BBS7: variants seen among roughly 807,000 people sequenced by gnomAD.
The protein encoded by BBS7 is BBSome complex member BBS7.
A neutral mutation model predicts 90.3 loss-of-function variants in BBS7; 50 were observed. The ratio of observed to expected loss-of-function variants is 0.55; its 90% CI spans 0.44 to 0.70. BBS7 has a LOEUF of 0.70. Among genes scored for constraint, BBS7 ranks in the 30% least tolerant of loss-of-function variants. The probability of loss-of-function intolerance (pLI) is 0.00; values close to 1 mark genes in which losing one functional copy is unlikely to be tolerated. For synonymous variants in BBS7, 235 were observed against 287.4 expected, an observed-to-expected ratio of 0.82 and a Z score of 1.85; for missense variants, 729 against 838.9, an observed-to-expected ratio of 0.87 and a Z score of 1.62.
chr4:121,829,479 G>A (rs1036139723), intron 15 of BBS7, among the ~76,000 whole-genome samples: 2 of 152,086 alleles, frequency 1.3e-5, no homozygotes, highest in African/African-American at 2.4e-5. Context: ...CTTGTGATCC[G>A]CCCACCTTGG....
At chr4:121,844,829 G>A (rs1052878211) in intron 11 of BBS7, among the ~76,000 whole-genome samples, 1 of 151,628 alleles carries the variant, frequency 6.6e-6, no homozygotes, top group South Asian at 2.1e-4. Flanking sequence ...TTAATGTTTG[G>A]GGCTTTAAAA....
At chr4:121,849,840 A>C (rs1322841808) in intron 8 of BBS7, among the ~76,000 whole-genome samples, 1 of 149,972 alleles carries the variant, frequency 6.7e-6, no homozygotes, top group Non-Finnish European at 1.5e-5. Flanking sequence ...AATAAAAATA[A>C]AAAAAAATTA....
In BBS7 at chr4:121,868,109, G is replaced by A. The variant is rs569676848; in HGVS notation, c.37-63C>T. 1.0e-4 allele frequency: 139 copies of A among 1,337,660 alleles called. 2 individuals are homozygous for A. The South Asian group carries it at 1.6e-3, about 15-fold the overall frequency. 82.9% of individuals were successfully genotyped at this position (1,337,660 alleles called of 1,614,324 possible). ...GAAGTTATTACAGAGATTAAAATAA[G>A]TTATAGTGAACCTTTTTGTTAAACT... On this transcript the variant is annotated intron_variant, in intron 1 of 18. Transcript: ENST00000264499.
chr4:121,855,733 C>G (rs1394674357), intron 5 of BBS7, among the ~76,000 whole-genome samples, 172 bp from the exon 6 acceptor site: 1 of 151,772 alleles, frequency 6.6e-6, no homozygotes, highest in Non-Finnish European at 1.5e-5. Flanking sequence ...TTGCATATAT[C>G]AACTGATTTG....
chr4:121,831,708 A>G (rs1292672124), intron 15 of BBS7, among the ~76,000 whole-genome samples: 1 of 152,156 alleles, frequency 6.6e-6, no homozygotes, highest in Admixed American at 6.6e-5. Flanking sequence ...GGTACAGTGA[A>G]AAACCTCCAC....
At chr4:121,838,011 C>T (rs35341163) in intron 13 of BBS7, among the ~76,000 whole-genome samples, 45,728 of 151,070 alleles carry the variant, frequency 0.3, 8,357 homozygotes, top group East Asian at 0.44. Context: ...GGCTGAGGCA[C>T]GAAAATCACT....
At chr4:121,840,924 G>C (rs1283999652) in intron 12 of BBS7, among the ~76,000 whole-genome samples, 2 of 149,738 alleles carry the variant, frequency 1.3e-5, no homozygotes, top group Non-Finnish European at 3.0e-5. Flanking sequence ...TGTAACCTCT[G>C]CCTCCTGGGC....
At position 121,847,306 on chromosome 4, in the gene BBS7, T is replaced by TCC; in HGVS notation, c.1037+96_1037+97dup. 9 of 784,562 alleles carry TCC rather than the reference T, an allele frequency of 1.1e-5. No homozygotes were observed. The South Asian group carries it at 1.4e-4, about 12-fold the overall frequency. 48.6% of individuals were successfully genotyped at this position (784,562 alleles called of 1,614,324 possible). ...GTGATAAACTAATTAATTACATAAT[T>TCC]CCTTCCAATAAAATATACTGCATCT... On this transcript the variant is annotated intron_variant, in intron 10 of 18. Coordinates refer to ENST00000264499, the MANE Select transcript of BBS7 (RefSeq NM_176824.3).
chr4:121,854,482 A>G (rs1726491936), intron 7 of BBS7, among the ~76,000 whole-genome samples: 1 of 152,192 alleles, frequency 6.6e-6, no homozygotes, highest in Non-Finnish European at 1.5e-5. Context: ...ATATTAGCCT[A>G]TAAAAACGTA....
intron 2 of BBS7, among the ~76,000 whole-genome samples, chr4:121,866,710 G>A (rs1379259165): frequency 6.6e-6 from 1 of 152,018 alleles, no homozygotes; most frequent in African/African-American, 2.4e-5. Flanking sequence ...GCTGTTCTTG[G>A]CTCTTTTGTC....
intron 9 of BBS7, among the ~76,000 whole-genome samples, chr4:121,848,418 C>G (rs984742714): frequency 3.3e-5 from 5 of 152,170 alleles, no homozygotes; most frequent in Non-Finnish European, 7.4e-5. Context: ...ATACCTGCTA[C>G]CAGCCTATCT....
chr4:121,835,558 C>T (rs1725411541), intron 13 of BBS7, among the ~76,000 whole-genome samples: 1 of 151,966 alleles, frequency 6.6e-6, no homozygotes, highest in Non-Finnish European at 1.5e-5. Context: ...GGGAAAATAT[C>T]AACATTTGAC....
rs747638382 is a variant in BBS7 at position 121,847,385 on chromosome 4, A to G, written c.1037+19T>C. The G allele has an allele frequency of 8.5e-6, 13 of 1,529,618 alleles. No homozygotes were observed. The East Asian group carries it at 2.7e-4, about 32-fold the overall frequency. 94.8% of individuals were successfully genotyped at this position (1,529,618 alleles called of 1,614,324 possible). ...CTTCATGAGATTTTTAAAAAAGCAA[A>G]TAAAAAACTCAAAGTTACCGTAAGG... On this transcript the variant is annotated intron_variant, in intron 10 of 18. Transcript: ENST00000264499.
chr4:121,847,405 G>A lies in BBS7; in HGVS notation c.1036C>T (p.Arg346Trp), dbSNP rs533535422. The A allele has an allele frequency of 2.2e-5, 36 of 1,604,978 alleles. No homozygotes were observed. The highest frequency in any genetic ancestry group is 1.3e-4 in the Admixed American group (8 of 59,962). Residue 346 changes from arginine (R) to tryptophan (W), a missense_variant and splice_region_variant, in exon 10 of 19, where the codon CGG becomes TGG. Coordinates refer to ENST00000264499, the MANE Select transcript of BBS7 (RefSeq NM_176824.3). ...AGCAAATAAAAAACTCAAAGTTACC[G>A]TAAGGAAGAAATTTTATTCTGCATC... ...QEMQNKISSL[R>W]NELEHLQYKV...
rs202073702 is a variant in BBS7 at position 121,855,521 on chromosome 4, G to A, written c.569C>T (p.Pro190Leu). 1 of 1,613,634 alleles carries A rather than the reference G, an allele frequency of 6.2e-7. No individual in the cohort carries two copies. Among genetic ancestry groups the A allele is most frequent in the Non-Finnish European group, 8.5e-7 (1 of 1,179,722 alleles). Residue 190 changes from proline to leucine, a missense_variant, in exon 6 of 19, where the codon CCT becomes CTT. Coordinates refer to ENST00000264499, the MANE Select transcript of BBS7 (RefSeq NM_176824.3). ...VMYAVEVPGP[P>L]TVLALHNGNG... ...TCCATTGTGTAGTGCTAAGACAGTA[G>A]GGGGTCCAGGAACTTCAACTGCATA...
Position 121,833,460 on chromosome 4 carries a change from G to A in BBS7, c.1512-65C>T, listed in dbSNP as rs1005654309. 17 of 1,420,986 alleles carry A rather than the reference G, an allele frequency of 1.2e-5. 1 individual carries two copies. In the Admixed American group the frequency reaches 1.7e-4, roughly 14 times the overall value. The allele number at this position is 1,420,986 out of a possible 1,614,324, so 88.0% of individuals were successfully genotyped here. On this transcript the variant is annotated intron_variant, in intron 14 of 18. Coordinates refer to ENST00000264499, the MANE Select transcript of BBS7 (RefSeq NM_176824.3). ...ATACATGAAAGTATTATATGTACAC[G>A]TTAATAAGCAGAATTTTGTAATAGT...
chr4:121,845,691 T>C lies in BBS7; in HGVS notation c.1043A>G (p.Glu348Gly), dbSNP rs575431546. The C allele has an allele frequency of 4.4e-5, 71 of 1,611,774 alleles. 2 individuals carry two copies. The South Asian group carries it at 7.6e-4, about 17-fold the overall frequency. The change falls in exon 11 of 19, where the codon GAG becomes GGG. Residue 348 changes from glutamate (E) to glycine (G), a missense_variant. By Grantham distance (98) the Glu-to-Gly change is moderately conservative. Coordinates refer to ENST00000264499, the MANE Select transcript of BBS7 (RefSeq NM_176824.3). ...MQNKISSLRN[E>G]LEHLQYKVLQ... ...TACCTTATACTGCAAATGTTCCAAC[T>C]CATTCCTGGAGAAAAACACATACAA...
At chr4:121,859,216 C>T (rs1035383785) in intron 4 of BBS7, 38 bp from the exon 5 acceptor site, 1 of 1,578,262 alleles carries the variant, frequency 6.3e-7, no homozygotes, top group Non-Finnish European at 8.7e-7. Flanking sequence ...AAAATAAGCA[C>T]AGGTACTGAA....
rs1560658199 is a variant in BBS7, at chr4:121,853,045, C to G, written c.760G>C (p.Val254Leu). The change falls in exon 8 of 19, where the codon GTT (valine) becomes CTT (leucine). Residue 254 changes from valine (V) to leucine (L), a missense_variant. Val to Leu is a conservative substitution (Grantham distance 32, BLOSUM62 1). Transcript: ENST00000264499. ...IDSFDIVGDGVKDLLVGRDDG... is the reference protein window; with the variant it reads ...IDSFDIVGDGLKDLLVGRDDG... ...TCTCTCCCAACAAGTAAATCTTTAA[C>G]CCCATCACCCACAATGTCAAAGCTG... is the stretch of plus-strand genomic sequence containing the variant. 1 of 1,613,696 alleles carries G rather than the reference C, an allele frequency of 6.2e-7. No homozygotes were observed. The highest frequency in any genetic ancestry group is 8.5e-7 in the Non-Finnish European group (1 of 1,179,678).
Sources: gnomAD v4.1 joint callset for allele counts (sites outside exome capture counted in the v4.1 genomes callset) on GRCh38, gnomAD v4.1.1 for gene constraint, MANE v1.5 for transcripts, NCBI Gene and HGNC (gene_info 2026-07-23, HGNC 2026-07-21) for gene names.